UTRN: variants seen among roughly 807,000 people sequenced by gnomAD.
The protein encoded by UTRN is dystrophin-related protein 1.
Under a neutral mutation model 463.9 loss-of-function variants are expected in UTRN, and 283 were observed. The ratio of observed to expected loss-of-function variants is 0.61; its 90% CI spans 0.55 to 0.67. UTRN has a LOEUF of 0.67. Among genes scored for constraint, UTRN ranks in the 30% least tolerant of loss-of-function variants. UTRN has a pLI of 0.00. For missense variants in UTRN, 3,922 were observed against 4,084.3 expected (o/e 0.96, Z 1.08); for synonymous variants, 1,442 against 1,431.5 (o/e 1.01, Z -0.17).
intron 51 of UTRN, among the ~76,000 whole-genome samples, chr6:144,589,237 TA>T (rs1802767554): frequency 6.6e-6 from 1 of 152,216 alleles, no homozygotes; most frequent in African/African-American, 2.4e-5. Context: ...ACTACAACAA[TA>T]GAATAACTGT....
At chr6:144,432,729 G>A (rs1458465040) in intron 9 of UTRN, among the ~76,000 whole-genome samples, 3 of 151,146 alleles carry the variant, frequency 2.0e-5, no homozygotes, top group Admixed American at 1.3e-4. Context: ...GGTGTTTCTC[G>A]CAGAGGGGGA....
chr6:144,432,293 GT>G (rs1362127920), intron 9 of UTRN, among the ~76,000 whole-genome samples: 1 of 152,114 alleles, frequency 6.6e-6, no homozygotes, highest in East Asian at 1.9e-4. Context: ...TTTTTCCTCA[GT>G]TTAAATGGAG....
At chr6:144,644,870 C>T (rs894101740) in intron 51 of UTRN, among the ~76,000 whole-genome samples, 1 of 152,114 alleles carries the variant, frequency 6.6e-6, no homozygotes, top group African/African-American at 2.4e-5. Flanking sequence ...CAAGAAATTC[C>T]TCAGAACCAT....
intron 37 of UTRN, among the ~76,000 whole-genome samples, chr6:144,515,902 G>C (rs1380365340): frequency 2.6e-5 from 4 of 152,164 alleles, no homozygotes; most frequent in African/African-American, 9.7e-5. Context: ...CTGTGGCCAT[G>C]GTAAGGATAG....
intron 1 of UTRN, among the ~76,000 whole-genome samples, chr6:144,288,966 G>C (rs1278050623): frequency 1.3e-5 from 2 of 152,090 alleles, no homozygotes; most frequent in African/African-American, 4.8e-5. Context: ...GTTTCGCCAT[G>C]TTGGCCAGGC....
At chr6:144,813,306 A>C (rs978706418) in intron 65 of UTRN, among the ~76,000 whole-genome samples, 14 of 151,958 alleles carry the variant, frequency 9.2e-5, no homozygotes, top group African/African-American at 3.1e-4. Flanking sequence ...CTCCTGCCTT[A>C]GCCTCCTGAG....
chr6:144,372,998 C>T (rs1780136754), intron 2 of UTRN, among the ~76,000 whole-genome samples: 1 of 152,066 alleles, frequency 6.6e-6, no homozygotes, highest in Non-Finnish European at 1.5e-5. Flanking sequence ...ACTGGTATGG[C>T]TGTAATAAAA....
chr6:144,708,371 A>AT, intron 53 of UTRN: 1 of 655,114 alleles, frequency 1.5e-6, no homozygotes, highest in Non-Finnish European at 2.9e-6. Flanking sequence ...AAAGAGTGCC[A>AT]TTTTTTAGAT....
At chr6:144,756,055 C>T (rs74994299) in intron 57 of UTRN, among the ~76,000 whole-genome samples, 2,760 of 152,092 alleles carry the variant, frequency 0.018, 71 homozygotes, top group African/African-American at 0.06. Flanking sequence ...CTTTGGTATA[C>T]GCCTTCCTGG....
chr6:144,427,859 C>T (rs1008244703), intron 7 of UTRN, among the ~76,000 whole-genome samples: 31 of 152,072 alleles, frequency 2.0e-4, no homozygotes, highest in Admixed American at 6.6e-4. Context: ...TCTTAGTTCT[C>T]GTGGAGCTTA....
rs1439604482 is a variant in UTRN at position 144,437,746 on chromosome 6, G to A, written c.1241G>A (p.Arg414Gln). The A allele has an allele frequency of 2.5e-6, 4 of 1,607,840 alleles. No homozygotes were observed. The highest frequency in any genetic ancestry group is 2.5e-6 in the Non-Finnish European group (3 of 1,177,706). ...LRVESMDRQS[R>Q]LHDVLMELQK... ...GTGGAGAGTATGGACAGACAGTCCCGGTGAGTGGAAAGCCAAGAAATGCAC... is the reference window on the plus strand; with the variant it reads ...GTGGAGAGTATGGACAGACAGTCCCAGTGAGTGGAAAGCCAAGAAATGCAC... The change falls in exon 11 of 75, where the codon CGG becomes CAG. Residue 414 changes from arginine to glutamine, a missense_variant and splice_region_variant. Around this residue, in one of 3 missense-constraint regions of UTRN, gnomAD observed 2,349 missense variants for 2,303.8 expected, o/e 1.02. Coordinates refer to ENST00000367545, the MANE Select transcript of UTRN (RefSeq NM_007124.3).
At chr6:144,498,444 T>A (rs1444104214) in intron 33 of UTRN, among the ~76,000 whole-genome samples, 1 of 152,236 alleles carries the variant, frequency 6.6e-6, no homozygotes, top group Non-Finnish European at 1.5e-5. Context: ...GTTTGTATAG[T>A]CGTGTACTGC....
At chr6:144,506,190 C>T (rs780192274) in intron 34 of UTRN, among the ~76,000 whole-genome samples, 15 of 151,888 alleles carry the variant, frequency 9.9e-5, no homozygotes, top group African/African-American at 2.2e-4. Context: ...ATACAGCACA[C>T]GGATGGGTCT....
At position 144,473,784 on chromosome 6, in the gene UTRN, C is replaced by G; in HGVS notation, c.3131C>G (p.Ala1044Gly). 1.2e-6 allele frequency: 2 copies of G among 1,614,174 alleles called. No homozygotes were observed. Among genetic ancestry groups the G allele is most frequent in the Non-Finnish European group, 1.7e-6 (2 of 1,180,032 alleles). ...GVKDFLMKQQ[A>G]AQGDDAGLQR... is the part of the protein sequence containing the mutation. ...AAAGACTTCTTAATGAAACAGCAGG[C>G]TGCCCAAGGAGACGACGCAGGTCTA... The change falls in exon 24 of 75, where the codon GCT becomes GGT. Residue 1044 changes from alanine to glycine, a missense_variant. Transcript: ENST00000367545.
At chr6:144,508,918 A>G (rs1794930161) in intron 34 of UTRN, among the ~76,000 whole-genome samples, 2 of 152,114 alleles carry the variant, frequency 1.3e-5, no homozygotes. Context: ...TTTCTGCTCC[A>G]CTGATCTGGC....
rs140918313 is a variant in UTRN, at chr6:144,816,331, T to C, written c.9358-4551T>C. Among the ~76,000 whole-genome samples, 246 of 152,270 alleles carry C rather than the reference T, an allele frequency of 1.6e-3. 3 individuals are homozygous for C. The East Asian group carries it at 0.039, about 24-fold the overall frequency. ...AGACATTGGAGTGATAAAACTATTTTTGAAACATAATTCAAGTTATGTACT... is the reference window on the plus strand; with the variant it reads ...AGACATTGGAGTGATAAAACTATTTCTGAAACATAATTCAAGTTATGTACT... On this transcript the variant is annotated intron_variant, in intron 65 of 74. Coordinates refer to ENST00000367545, the MANE Select transcript of UTRN (RefSeq NM_007124.3).
At chr6:144,813,904 T>G (rs1778851283) in intron 65 of UTRN, among the ~76,000 whole-genome samples, 1 of 152,196 alleles carries the variant, frequency 6.6e-6, no homozygotes, top group African/African-American at 2.4e-5. Context: ...CCATCAGGGC[T>G]TCCTTCTAGA....
At chr6:144,816,177 G>C (rs1779059753) in intron 65 of UTRN, among the ~76,000 whole-genome samples, 1 of 152,192 alleles carries the variant, frequency 6.6e-6, no homozygotes. Context: ...AAACTCTGCA[G>C]GTCAAATTGC....
intron 57 of UTRN, among the ~76,000 whole-genome samples, chr6:144,756,381 A>G (rs1791985946): frequency 6.6e-6 from 1 of 152,196 alleles, no homozygotes; most frequent in African/African-American, 2.4e-5. Flanking sequence ...TGTGAAATTT[A>G]TACACATTTT....
Sources: allele counts gnomAD v4.1 joint callset (sites outside exome capture counted in the v4.1 genomes callset), GRCh38; gene constraint gnomAD v4.1.1; regional missense constraint gnomAD v4.1.1; transcripts MANE v1.5; gene names NCBI Gene and HGNC (gene_info 2026-07-23, HGNC 2026-07-21).